Variants in CPNE2 observed in about 807,000 individuals in gnomAD.
CPNE2 encodes the protein copine 2, also known as copine-2.
CPNE2 carries 42 observed loss-of-function variants against 69.7 expected under a neutral mutation model. The observed-to-expected ratio is 0.60, with a 90% CI of 0.47 to 0.78. The LOEUF (loss-of-function observed/expected upper bound fraction) is 0.78, where lower values mean the gene tolerates loss of function less well. CPNE2 is among the 30% of genes least tolerant of loss of function. The pLI is 0.00. For missense variants in CPNE2, 587 were observed against 732.0 expected (o/e 0.80, Z 2.29); for synonymous variants, 294 against 289.8 (o/e 1.01, Z -0.15).
intron 1 of CPNE2, among the ~76,000 whole-genome samples, chr16:57,108,079 A>C (rs2069659020): frequency 6.6e-6 from 1 of 152,130 alleles, no homozygotes; most frequent in African/African-American, 2.4e-5. Flanking sequence ...CATGTTGGCC[A>C]GGCTGGTCTT....
In CPNE2 at chr16:57,112,942, C is replaced by T. The variant is rs116582828; in HGVS notation, c.181-346C>T. On this transcript the variant is annotated intron_variant, in intron 2 of 15. Coordinates refer to ENST00000290776, the MANE Select transcript of CPNE2 (RefSeq NM_152727.6). ...ACGGAGGCCCAGATGGGGAAAGGGC[C>T]TTGTCCTCCATCTCTTACCCAGGCA... 2.1e-3 allele frequency: 434 copies of T among 202,464 alleles called. 3 individuals carry two copies. Among genetic ancestry groups the T allele is most frequent in the African/African-American group, 9.1e-3 (396 of 43,532 alleles). The allele number at this position is 202,464 out of a possible 1,614,324, so 12.5% of individuals were successfully genotyped here.
At chr16:57,095,391 C>T (rs1429011917) in intron 1 of CPNE2, among the ~76,000 whole-genome samples, 3 of 152,224 alleles carry the variant, frequency 2.0e-5, no homozygotes, top group Non-Finnish European at 4.4e-5. Context: ...CACTGGACCT[C>T]GGCTGTCACT....
At chr16:57,144,229 G>A (rs1307415145) in intron 14 of CPNE2, 1 of 152,314 alleles carries the variant, frequency 6.6e-6, no homozygotes, top group Admixed American at 6.5e-5. Context: ...CCAGCCAAGG[G>A]ATTGGTCTCT....
In CPNE2 at chr16:57,123,466, T is replaced by G. The variant is rs770926041; in HGVS notation, c.920T>G (p.Met307Arg). 12 of 1,613,220 alleles carry G rather than the reference T, an allele frequency of 7.4e-6. No individual in the cohort carries two copies. Among genetic ancestry groups the G allele is most frequent in the Non-Finnish European group, 9.3e-6 (11 of 1,180,028 alleles). ...LDYILGGCQLMFTVGIDFTAS... is the reference protein window; with the variant it reads ...LDYILGGCQLRFTVGIDFTAS... ...TACATCCTGGGAGGCTGCCAGCTCA[T>G]GTTCACCGTAAGGCTCTCCCCGCTG... Residue 307 changes from methionine to arginine, a missense_variant, in exon 10 of 16, where the codon ATG becomes AGG. Physicochemically the swap from Met to Arg is moderately conservative, Grantham distance 91. Coordinates refer to ENST00000290776, the MANE Select transcript of CPNE2 (RefSeq NM_152727.6).
At chr16:57,116,881 T>C (rs2069722992) in intron 4 of CPNE2, among the ~76,000 whole-genome samples, 1 of 151,744 alleles carries the variant, frequency 6.6e-6, no homozygotes, top group Non-Finnish European at 1.5e-5. Context: ...CCAGCCCACT[T>C]GTGTTGCTGT....
intron 11 of CPNE2, 36 bp downstream of exon 11, chr16:57,126,029 GT>G: frequency 1.9e-6 from 3 of 1,611,892 alleles, no homozygotes; most frequent in Non-Finnish European, 2.5e-6. Context: ...GTCAGCTAGG[GT>G]TCCATCCAAC....
At chr16:57,122,476 A>G (rs2069770315) in intron 9 of CPNE2, among the ~76,000 whole-genome samples, 1 of 152,254 alleles carries the variant, frequency 6.6e-6, no homozygotes, top group Admixed American at 6.5e-5. Flanking sequence ...GTCAGGTTGC[A>G]GCCTTGTGAT....
intron 3 of CPNE2, 30 bp from the exon 4 acceptor site, chr16:57,115,446 A>T: frequency 6.4e-7 from 1 of 1,567,072 alleles, no homozygotes; most frequent in South Asian, 1.1e-5. Flanking sequence ...CCGCTTCCTC[A>T]CTGAGCGCCC....
rs1215695229 is a variant in CPNE2, at chr16:57,115,472, C to A, written c.361-4C>A. ...CTGAGCGCCCTTTCTCCTCTCTCCC[C>A]TAGATCGTCTCCAGCAAGAAGATCA... On this transcript the variant is annotated splice_polypyrimidine_tract_variant and splice_region_variant and intron_variant, in intron 3 of 15. Transcript: ENST00000290776. The A allele has an allele frequency of 6.2e-7, 1 of 1,610,950 alleles. No individual in the cohort carries two copies. The highest frequency in any genetic ancestry group is 8.5e-7 in the Non-Finnish European group (1 of 1,178,204).
chr16:57,140,528 G>T (rs927986866), intron 14 of CPNE2, among the ~76,000 whole-genome samples: 4 of 151,654 alleles, frequency 2.6e-5, no homozygotes, highest in Non-Finnish European at 5.9e-5. Flanking sequence ...GAGGACCTGG[G>T]TGCAGGCTTA....
chr16:57,110,044 T>G (rs2069670919), intron 1 of CPNE2, among the ~76,000 whole-genome samples: 1 of 152,236 alleles, frequency 6.6e-6, no homozygotes, highest in Admixed American at 6.5e-5. Context: ...AAGCCCAGGT[T>G]TTCCTGGCAC....
At position 57,147,791 on chromosome 16, in the gene CPNE2, AC is replaced by A; in HGVS notation, c.*138del. 2.0e-6 allele frequency: 1 copy of A among 512,724 alleles called. No individual in the cohort carries two copies. The highest frequency in any genetic ancestry group is 3.2e-6 in the Non-Finnish European group (1 of 307,890). The allele number at this position is 512,724 out of a possible 1,614,324, so 31.8% of individuals were successfully genotyped here. A position where few individuals can be genotyped will look rare whatever the true frequency, so the allele number is the denominator to read the frequency against. ...TTTTATTTTTTACAACCGGACCTCCACCCCCAACTTCCTCCAGCCCAGCTGG... is the reference window on the plus strand; with the variant it reads ...TTTTATTTTTTACAACCGGACCTCCACCCCAACTTCCTCCAGCCCAGCTGG... On this transcript the variant is annotated 3_prime_UTR_variant, in exon 16 of 16. Coordinates refer to ENST00000290776, the MANE Select transcript of CPNE2 (RefSeq NM_152727.6).
At chr16:57,133,345 TC>T (rs2069852138) in intron 12 of CPNE2, among the ~76,000 whole-genome samples, 1 of 151,910 alleles carries the variant, frequency 6.6e-6, no homozygotes, top group Non-Finnish European at 1.5e-5. Flanking sequence ...CCACCTCCCC[TC>T]CCCTGGGCTG....
intron 14 of CPNE2, chr16:57,141,671 A>G (rs1165292276): frequency 6.6e-6 from 1 of 152,134 alleles, no homozygotes; most frequent in African/African-American, 2.4e-5. Flanking sequence ...CCACTTCCTG[A>G]CTTCGTGGGA....
chr16:57,097,015 G>A (rs1201451185), intron 1 of CPNE2, among the ~76,000 whole-genome samples: 2 of 152,034 alleles, frequency 1.3e-5, no homozygotes, highest in Non-Finnish European at 2.9e-5. Context: ...CTTGGTTCAG[G>A]AGCCCATTCA....
intron 1 of CPNE2, among the ~76,000 whole-genome samples, chr16:57,097,056 C>A (rs2069582283): frequency 6.6e-6 from 1 of 152,164 alleles, no homozygotes; most frequent in African/African-American, 2.4e-5. Context: ...CACTGAGTAC[C>A]TGCTGGGCAC....
intron 14 of CPNE2, among the ~76,000 whole-genome samples, chr16:57,138,841 G>C (rs1016497586): frequency 6.6e-6 from 1 of 152,224 alleles, no homozygotes; most frequent in Non-Finnish European, 1.5e-5. Flanking sequence ...CTCAGTCAGA[G>C]CCTCCTCCCC....
intron 1 of CPNE2, chr16:57,094,205 G>A (rs746141640): frequency 2.5e-5 from 10 of 400,412 alleles, no homozygotes; most frequent in Non-Finnish European, 3.0e-5. Context: ...TTTTGCGGCC[G>A]TCACTTCCTG....
intron 9 of CPNE2, 118 bp from the exon 10 acceptor site, chr16:57,123,296 C>A: frequency 1.0e-6 from 1 of 971,242 alleles, no homozygotes; most frequent in Non-Finnish European, 1.6e-6. Flanking sequence ...AGATCAGGCC[C>A]ATCAGCTTTT....
Sources: gnomAD v4.1 joint callset for allele counts (sites outside exome capture counted in the v4.1 genomes callset) on GRCh38, gnomAD v4.1.1 for gene constraint, MANE v1.5 for transcripts, NCBI Gene and HGNC (gene_info 2026-07-23, HGNC 2026-07-21) for gene names.